DLGAP2: variants seen among roughly 807,000 people sequenced by gnomAD.
DLGAP2 encodes the protein disks large-associated protein 2.
DLGAP2 carries 26 observed loss-of-function variants against 100.3 expected under a neutral mutation model. The ratio of observed to expected loss-of-function variants is 0.26; its 90% CI spans 0.19 to 0.36. The LOEUF (loss-of-function observed/expected upper bound fraction) is 0.36, where lower values mean the gene tolerates loss of function less well. DLGAP2 is among the 10% of genes least tolerant of loss of function. The pLI is 1.00. For synonymous variants in DLGAP2, 886 were observed against 630.1 expected (o/e 1.41, Z -6.08); for missense variants, 1,858 against 1,453.2 (o/e 1.28, Z -4.53).
At chr8:1,155,557 T>C (rs1796766711) in intron 2 of DLGAP2, among the ~76,000 whole-genome samples, 1 of 152,306 alleles carries the variant, frequency 6.6e-6, no homozygotes, top group African/African-American at 2.4e-5. Context: ...GTGTGATGTG[T>C]GATGTGTGGT....
intron 2 of DLGAP2, among the ~76,000 whole-genome samples, chr8:1,235,017 T>C (rs375058503): frequency 6.2e-5 from 6 of 96,432 alleles, no homozygotes; most frequent in Admixed American, 1.1e-4. Context: ...CACATAGCGT[T>C]GTGTCTAATT....
intron 2 of DLGAP2, among the ~76,000 whole-genome samples, chr8:1,075,903 A>G (rs537430350): frequency 6.6e-6 from 1 of 152,032 alleles, no homozygotes; most frequent in African/African-American, 2.4e-5. Context: ...CTCATCTCAA[A>G]AAAAATAAAA....
At chr8:892,718 C>A (rs988900155) in intron 1 of DLGAP2, among the ~76,000 whole-genome samples, 1 of 152,174 alleles carries the variant, frequency 6.6e-6, no homozygotes, top group Admixed American at 6.5e-5. Flanking sequence ...GACCGGGAAC[C>A]ACCAGGCGGG....
chr8:1,669,833 TC>T lies in DLGAP2; in HGVS notation c.2202+50del, dbSNP rs779595173. 19 of 780,878 alleles carry T rather than the reference TC, an allele frequency of 2.4e-5. No individual in the cohort carries two copies. In the East Asian group the frequency reaches 4.6e-4, roughly 19 times the overall value. 48.4% of individuals were successfully genotyped at this position (780,878 alleles called of 1,614,324 possible). ...AGCCGCGTCCGCATGACTTTCATTTTCTCTCCCTTTTTTGGATGTTCATGCG... is the reference window on the plus strand; with the variant it reads ...AGCCGCGTCCGCATGACTTTCATTTTTCTCCCTTTTTTGGATGTTCATGCG... On this transcript the variant is annotated intron_variant, in intron 10 of 14. Coordinates refer to ENST00000637795, the MANE Select transcript of DLGAP2 (RefSeq NM_001346810.2).
intron 12 of DLGAP2, among the ~76,000 whole-genome samples, chr8:1,683,256 C>T (rs955557759): frequency 6.6e-6 from 1 of 151,582 alleles, no homozygotes; most frequent in East Asian, 1.9e-4. Flanking sequence ...CTGTGCTGGG[C>T]CTTGACACGC....
At chr8:824,654 G>A (rs1002402354) in intron 1 of DLGAP2, among the ~76,000 whole-genome samples, 4 of 151,890 alleles carry the variant, frequency 2.6e-5, no homozygotes, top group African/African-American at 9.7e-5. Context: ...GGTTCCGCCT[G>A]TTTGGGTTCA....
At chr8:1,052,784 A>G (rs534344853) in intron 2 of DLGAP2, among the ~76,000 whole-genome samples, 1 of 152,166 alleles carries the variant, frequency 6.6e-6, no homozygotes, top group South Asian at 2.1e-4. Flanking sequence ...TTAACATATA[A>G]GAGAGGCTGG....
intron 1 of DLGAP2, among the ~76,000 whole-genome samples, chr8:886,388 T>G (rs1797922485): frequency 6.6e-6 from 1 of 152,152 alleles, no homozygotes; most frequent in Non-Finnish European, 1.5e-5. Flanking sequence ...TTCTCCGATG[T>G]TAGTTATTTC....
chr8:867,321 G>A (rs1056391835), intron 1 of DLGAP2, among the ~76,000 whole-genome samples: 15 of 152,106 alleles, frequency 9.9e-5, no homozygotes, highest in African/African-American at 2.9e-4. Context: ...TTCCAACTTC[G>A]TGCCCTCCTT....
intron 1 of DLGAP2, among the ~76,000 whole-genome samples, chr8:898,822 T>G (rs2128996983): frequency 6.6e-6 from 1 of 152,322 alleles, no homozygotes; most frequent in Non-Finnish European, 1.5e-5. Context: ...AAAATGGAGT[T>G]TCAGCTGCAG....
In DLGAP2 at chr8:1,679,464, C is replaced by T. The variant is rs1798892062; in HGVS notation, c.2704+835C>T. On this transcript the variant is annotated intron_variant, in intron 12 of 14. Transcript: ENST00000637795. Reference sequence around the variant, plus strand: ...ACGGGAGTCACCACCAAAGGTCTCACTCCTGGGTGGAATGAGAAGGCCGTG... The same window carrying T: ...ACGGGAGTCACCACCAAAGGTCTCATTCCTGGGTGGAATGAGAAGGCCGTG... Among the ~76,000 whole-genome samples, 6 of 150,102 alleles carry T rather than the reference C, an allele frequency of 4.0e-5. No individual in the cohort carries two copies. In the South Asian group the frequency reaches 1.3e-3, roughly 32 times the overall value.
intron 6 of DLGAP2, among the ~76,000 whole-genome samples, chr8:1,608,771 A>G (rs1393661230): frequency 1.3e-5 from 2 of 149,960 alleles, no homozygotes; most frequent in African/African-American, 4.9e-5. Flanking sequence ...GATGCGATCA[A>G]CTGGAAGAAA....
chr8:1,315,703 T>C (rs1800724073), intron 3 of DLGAP2, among the ~76,000 whole-genome samples: 1 of 73,726 alleles, frequency 1.4e-5, no homozygotes, highest in Non-Finnish European at 2.5e-5. Context: ...CGTTTAAAAA[T>C]AGAGCCTGTA....
chr8:1,545,069 A>G (rs543437010), intron 4 of DLGAP2, among the ~76,000 whole-genome samples: 1 of 152,258 alleles, frequency 6.6e-6, no homozygotes, highest in South Asian at 2.1e-4. Context: ...TATAAGGGAT[A>G]TTAATCTATA....
chr8:1,557,785 C>T (rs549257636), intron 5 of DLGAP2, among the ~76,000 whole-genome samples: 2 of 152,314 alleles, frequency 1.3e-5, no homozygotes, highest in East Asian at 1.9e-4. Flanking sequence ...TGTCTGTGAC[C>T]TCATCTCCCC....
At chr8:833,589 C>T (rs1359098462) in intron 1 of DLGAP2, among the ~76,000 whole-genome samples, 1 of 152,128 alleles carries the variant, frequency 6.6e-6, no homozygotes, top group East Asian at 1.9e-4. Context: ...TTAGAGTGGG[C>T]CATGGCTAGT....
chr8:910,674 T>C (rs1798466788), intron 2 of DLGAP2: 2 of 152,050 alleles, frequency 1.3e-5, no homozygotes, highest in African/African-American at 2.4e-5. Context: ...CTACCTGGAG[T>C]GAGCGTTGAA....
chr8:1,288,604 GT>G (rs1799991591), intron 3 of DLGAP2, among the ~76,000 whole-genome samples: 1 of 143,730 alleles, frequency 7.0e-6, no homozygotes, highest in Non-Finnish European at 1.5e-5. Context: ...GTGTGTGTGT[GT>G]GTGGTAGGAG....
intron 6 of DLGAP2, among the ~76,000 whole-genome samples, chr8:1,587,703 T>C (rs1225101224): frequency 1.3e-5 from 2 of 152,214 alleles, no homozygotes; most frequent in Non-Finnish European, 2.9e-5. Flanking sequence ...CTACTATTAA[T>C]TATTTTTCTT....
Sources: gnomAD v4.1 joint callset for allele counts (sites outside exome capture counted in the v4.1 genomes callset) on GRCh38, gnomAD v4.1.1 for gene constraint, MANE v1.5 for transcripts, NCBI Gene and HGNC (gene_info 2026-07-23, HGNC 2026-07-21) for gene names.